GRIN2B: variants seen among roughly 807,000 people sequenced by gnomAD.
The protein encoded by GRIN2B is glutamate ionotropic receptor NMDA type subunit 2B.
GRIN2B carries 5 observed loss-of-function variants against 114.5 expected under a neutral mutation model. The observed-to-expected ratio is 0.04, with a 90% CI of 0.02 to 0.09. The LOEUF (loss-of-function observed/expected upper bound fraction) is 0.09, where lower values mean the gene tolerates loss of function less well. Ranked by LOEUF, GRIN2B falls within the 10% of genes least tolerant of loss-of-function variation. The probability of loss-of-function intolerance (pLI) is 1.00; values close to 1 mark genes in which losing one functional copy is unlikely to be tolerated. For missense variants in GRIN2B, 1,108 were observed against 1,943.5 expected (o/e 0.57, Z 8.08); for synonymous variants, 787 against 745.1 (o/e 1.06, Z -0.92).
intron 2 of GRIN2B, among the ~76,000 whole-genome samples, chr12:13,871,048 C>T (rs966093953): frequency 1.3e-5 from 2 of 151,998 alleles, no homozygotes; most frequent in Non-Finnish European, 2.9e-5. Context: ...ACATATGAGG[C>T]TAAAATATAG....
intron 2 of GRIN2B, among the ~76,000 whole-genome samples, chr12:13,872,941 A>G (rs1865934575): frequency 1.3e-5 from 2 of 152,180 alleles, no homozygotes; most frequent in South Asian, 4.1e-4. Context: ...CTATCATTTC[A>G]AGCCAATTCT....
intron 3 of GRIN2B, among the ~76,000 whole-genome samples, chr12:13,756,169 C>T (rs571388602): frequency 6.6e-5 from 10 of 152,262 alleles, no homozygotes; most frequent in African/African-American, 2.2e-4. Context: ...GCGCCCACCA[C>T]CATGCCAGGC....
chr12:13,626,527 G>C (rs965984147), intron 5 of GRIN2B, among the ~76,000 whole-genome samples: 3 of 152,092 alleles, frequency 2.0e-5, no homozygotes, highest in African/African-American at 4.8e-5. Context: ...TGACTCTCTG[G>C]ATTTGAGCAC....
At chr12:13,736,938 G>A (rs1049518027) in intron 4 of GRIN2B, among the ~76,000 whole-genome samples, 1 of 148,462 alleles carries the variant, frequency 6.7e-6, no homozygotes, top group Non-Finnish European at 1.5e-5. Flanking sequence ...GCTGAGGCAG[G>A]AGAATAGCTT....
intron 3 of GRIN2B, among the ~76,000 whole-genome samples, chr12:13,780,380 C>T (rs1324598104): frequency 2.6e-5 from 4 of 152,140 alleles, no homozygotes; most frequent in Non-Finnish European, 5.9e-5. Context: ...CAGAGAAACA[C>T]GTTCATTATA....
At chr12:13,790,092 T>C (rs1864294099) in intron 3 of GRIN2B, among the ~76,000 whole-genome samples, 1 of 152,248 alleles carries the variant, frequency 6.6e-6, no homozygotes, top group East Asian at 1.9e-4. Context: ...CCCATGGAAC[T>C]GAGGGATGCA....
At chr12:13,709,922 G>T (rs953013023) in intron 4 of GRIN2B, among the ~76,000 whole-genome samples, 1 of 151,862 alleles carries the variant, frequency 6.6e-6, no homozygotes, top group African/African-American at 2.4e-5. Flanking sequence ...CAGCTCCTGG[G>T]TATATACCCA....
intron 10 of GRIN2B, among the ~76,000 whole-genome samples, chr12:13,590,022 T>G (rs1014858170): frequency 2.0e-5 from 3 of 152,162 alleles, no homozygotes; most frequent in African/African-American, 7.2e-5. Flanking sequence ...GGGTATTAAT[T>G]AAAAACTTAG....
intron 5 of GRIN2B, among the ~76,000 whole-genome samples, chr12:13,673,121 A>G (rs906345509): frequency 1.2e-4 from 19 of 152,148 alleles, no homozygotes; most frequent in Admixed American, 7.2e-4. Flanking sequence ...TATGGACAAA[A>G]TCTATAGGGG....
intron 2 of GRIN2B, among the ~76,000 whole-genome samples, chr12:13,968,399 A>G (rs937183279): frequency 6.6e-6 from 1 of 152,170 alleles, no homozygotes; most frequent in Non-Finnish European, 1.5e-5. Context: ...TCAACACGAT[A>G]ACTGGCTCCC....
intron 2 of GRIN2B, among the ~76,000 whole-genome samples, chr12:13,897,394 C>A (rs1313916225): frequency 6.6e-6 from 1 of 152,156 alleles, no homozygotes; most frequent in Non-Finnish European, 1.5e-5. Context: ...GAGCAGGCTC[C>A]AGGGAGAGAA....
At position 13,538,605 on chromosome 12, in the gene GRIN2B, A is replaced by G. The variant is rs904551382; in HGVS notation, c.*24178T>C. ...CGAGGCAGGCAGATCACTTGAACCC[A>G]GGAGTTCAGAATCAGCCTGGACAAC... On this transcript the variant is annotated 3_prime_UTR_variant, in exon 14 of 14. Coordinates refer to ENST00000609686, the MANE Select transcript of GRIN2B (RefSeq NM_000834.5). 1 of 152,182 alleles carries G rather than the reference A, an allele frequency of 6.6e-6. No individual in the cohort carries two copies. The highest frequency in any genetic ancestry group is 2.4e-5 in the African/African-American group (1 of 41,430). The allele number at this position is 152,182 out of a possible 1,614,324, so 9.4% of individuals were successfully genotyped here.
rs1948235861 is a variant in GRIN2B, at chr12:13,538,275, G to C, written c.*24508C>G. 1 of 152,118 alleles carries C rather than the reference G, an allele frequency of 6.6e-6. No homozygotes were observed. The allele number at this position is 152,118 out of a possible 1,614,324, so 9.4% of individuals were successfully genotyped here. A position where few individuals can be genotyped will look rare whatever the true frequency, so the allele number is the denominator to read the frequency against. On this transcript the variant is annotated 3_prime_UTR_variant, in exon 14 of 14. Transcript: ENST00000609686. ...GATAGTCCCTTGCAGTGGACTTCAGGGTGGCACAAGGGCATGTAGGACACA... is the reference window on the plus strand; with the variant it reads ...GATAGTCCCTTGCAGTGGACTTCAGCGTGGCACAAGGGCATGTAGGACACA...
At chr12:13,797,572 G>T (rs1864438574) in intron 3 of GRIN2B, among the ~76,000 whole-genome samples, 1 of 152,038 alleles carries the variant, frequency 6.6e-6, no homozygotes, top group African/African-American at 2.4e-5. Context: ...TTTCAAAAAG[G>T]TCTACTTTCA....
chr12:13,799,629 G>A lies in GRIN2B; in HGVS notation c.412-45714C>T, dbSNP rs191575991. Reference sequence around the variant, plus strand: ...TATATTTAAACTTCCAAGAGGCACTGCTGTGCCATTATGGGTCTATTTAAA... The same window carrying A: ...TATATTTAAACTTCCAAGAGGCACTACTGTGCCATTATGGGTCTATTTAAA... On this transcript the variant is annotated intron_variant, in intron 3 of 13. Transcript: ENST00000609686. Among the ~76,000 whole-genome samples, 78 of 152,240 alleles carry A rather than the reference G, an allele frequency of 5.1e-4. 1 individual carries two copies. In the Middle Eastern group the frequency reaches 0.027, roughly 53 times the overall value.
intron 2 of GRIN2B, among the ~76,000 whole-genome samples, chr12:13,964,834 G>A (rs536094057): frequency 3.3e-5 from 5 of 152,290 alleles, no homozygotes; most frequent in East Asian, 3.9e-4. Flanking sequence ...TGACGGCAGC[G>A]GTGCAAAGCT....
At chr12:13,941,771 AC>A (rs1460447601) in intron 2 of GRIN2B, among the ~76,000 whole-genome samples, 3 of 152,238 alleles carry the variant, frequency 2.0e-5, no homozygotes, top group African/African-American at 7.2e-5. Context: ...TTCTAGATCT[AC>A]GTGTGTGCAA....
chr12:13,774,622 T>C (rs1863969037), intron 3 of GRIN2B, among the ~76,000 whole-genome samples: 1 of 152,206 alleles, frequency 6.6e-6, no homozygotes, highest in Non-Finnish European at 1.5e-5. Context: ...AATGGTGCCA[T>C]AACATGTGCA....
chr12:13,839,364 T>C (rs562625090), intron 3 of GRIN2B, among the ~76,000 whole-genome samples: 2 of 152,100 alleles, frequency 1.3e-5, no homozygotes, highest in Admixed American at 6.5e-5. Flanking sequence ...AGAGGAGAGG[T>C]TGGGCTAGAA....
Sources: gnomAD v4.1 joint callset for allele counts (sites outside exome capture counted in the v4.1 genomes callset) on GRCh38, gnomAD v4.1.1 for gene constraint, MANE v1.5 for transcripts, NCBI Gene and HGNC (gene_info 2026-07-23, HGNC 2026-07-21) for gene names.